Variants in ZNF367 observed in about 807,000 individuals in gnomAD.
ZNF367 encodes the protein C2H2 zinc finger protein ZFF29.
Under a neutral mutation model 31.8 loss-of-function variants are expected in ZNF367, and 11 were observed. That is an observed-to-expected ratio of 0.35 (90% confidence interval 0.22 to 0.57). The LOEUF (loss-of-function observed/expected upper bound fraction) is 0.57. ZNF367 is among the 20% of genes least tolerant of loss of function. The pLI is 0.85. For missense variants in ZNF367, 353 were observed against 484.1 expected, an observed-to-expected ratio of 0.73 and a Z score of 2.54; for synonymous variants, 199 against 202.4, an observed-to-expected ratio of 0.98 and a Z score of 0.14.
At position 96,388,074 on chromosome 9, in the gene ZNF367, C is replaced by T; in HGVS notation, c.*163G>A. 1.6e-6 allele frequency: 1 copy of T among 636,988 alleles called. No homozygotes were observed. The highest frequency in any genetic ancestry group is 2.6e-6 in the Non-Finnish European group (1 of 379,484). The allele number at this position is 636,988 out of a possible 1,614,324, so 39.5% of individuals were successfully genotyped here. On this transcript the variant is annotated 3_prime_UTR_variant, in exon 5 of 5. Coordinates refer to ENST00000375256, the MANE Select transcript of ZNF367 (RefSeq NM_153695.4). ...AATTCATTTCCATATTAAAAAAGTG[C>T]AGTTCTCTCTCACCCCATATTCTGG...
At chr9:96,390,884 G>GAAAAAAAAAA (rs34868065) in intron 4 of ZNF367, among the ~76,000 whole-genome samples, 1 of 56,602 alleles carries the variant, frequency 1.8e-5, no homozygotes, top group Non-Finnish European at 3.2e-5. Flanking sequence ...ACCCTGTCTC[G>GAAAAAAAAAA]AAAAAAAAAA....
intron 3 of ZNF367, among the ~76,000 whole-genome samples, chr9:96,393,045 A>G (rs980862814): frequency 1.3e-5 from 2 of 152,156 alleles, no homozygotes; most frequent in African/African-American, 2.4e-5. Flanking sequence ...AGATCACGCC[A>G]TTGCACTCCA....
intron 1 of ZNF367, among the ~76,000 whole-genome samples, chr9:96,405,079 T>C (rs1041903031): frequency 6.6e-6 from 1 of 152,132 alleles, no homozygotes; most frequent in Non-Finnish European, 1.5e-5. Context: ...CCCAGCACTT[T>C]GGGAGGCCAA....
chr9:96,407,477 T>C (rs1257627062), intron 1 of ZNF367: 2 of 1,311,558 alleles, frequency 1.5e-6, no homozygotes, highest in East Asian at 2.3e-5. Flanking sequence ...AAAAAAAGAC[T>C]ATCAAAGATG....
At chr9:96,404,636 CAAA>C (rs111803820) in intron 1 of ZNF367, among the ~76,000 whole-genome samples, 1 of 134,724 alleles carries the variant, frequency 7.4e-6, no homozygotes. Context: ...CCTCCGTCTC[CAAA>C]AAAAAAAAAG....
At chr9:96,400,662 A>G (rs1046380408) in intron 1 of ZNF367, among the ~76,000 whole-genome samples, 4 of 152,172 alleles carry the variant, frequency 2.6e-5, no homozygotes, top group Non-Finnish European at 5.9e-5. Context: ...AACAGAAAGA[A>G]AAAAGAAGGA....
rs187600447 is a variant in ZNF367, at chr9:96,386,922, G to A, written c.*1315C>T. The A allele has an allele frequency of 1.3e-5, 2 of 152,266 alleles. No individual in the cohort carries two copies. Among genetic ancestry groups the A allele is most frequent in the Non-Finnish European group, 2.9e-5 (2 of 68,008 alleles). The allele number at this position is 152,266 out of a possible 1,614,324, so 9.4% of individuals were successfully genotyped here. A position where few individuals can be genotyped will look rare whatever the true frequency, so the allele number is the denominator to read the frequency against. On this transcript the variant is annotated 3_prime_UTR_variant, in exon 5 of 5. Transcript: ENST00000375256. Reference sequence around the variant, plus strand: ...ACTCTGAGTTTTACTCCAATTAAGCGATCTGTAAGTTACCATGCTATGCAT... The same window carrying A: ...ACTCTGAGTTTTACTCCAATTAAGCAATCTGTAAGTTACCATGCTATGCAT...
chr9:96,407,908 C>A (rs1312871370), intron 1 of ZNF367: 1 of 376,168 alleles, frequency 2.7e-6, no homozygotes, highest in East Asian at 4.3e-5. Context: ...GCCCGGCCAA[C>A]GTGAGTAATT....
chr9:96,404,598 T>C (rs1014545875), intron 1 of ZNF367, among the ~76,000 whole-genome samples: 6 of 150,428 alleles, frequency 4.0e-5, no homozygotes, highest in Admixed American at 4.0e-4. Context: ...ATCACGCCAC[T>C]GCACTCCAGC....
At position 96,417,746 on chromosome 9, in the gene ZNF367, G is replaced by T; in HGVS notation, c.287C>A (p.Pro96His). The T allele has an allele frequency of 5.7e-6, 7 of 1,232,358 alleles. No homozygotes were observed. The highest frequency in any genetic ancestry group is 7.1e-6 in the Non-Finnish European group (7 of 986,888). 76.3% of individuals were successfully genotyped at this position (1,232,358 alleles called of 1,614,324 possible). Residue 96 changes from proline to histidine, a missense_variant, in exon 1 of 5, where the codon CCT (proline) becomes CAT (histidine). By Grantham distance (77) the Pro-to-His change is moderately conservative. Around this residue, in one of 5 missense-constraint regions of ZNF367, gnomAD observed 70 missense variants for 57.1 expected, o/e 1.23. Coordinates refer to ENST00000375256, the MANE Select transcript of ZNF367 (RefSeq NM_153695.4). The surrounding 1 kb of genome is among the most constrained non-coding windows in gnomAD (Gnocchi z 5.0). ...CGAGTGCTCGGCGGCTGCGGCTGCA[G>T]GCAGGGCGGCCGAGGCGGCGGCCCC... is the stretch of plus-strand genomic sequence containing the variant. ...AAGAAASAAL[P>H]AAAAAEHSGL... is the part of the protein sequence containing the mutation.
At chr9:96,390,347 G>T (rs992082035) in intron 4 of ZNF367, among the ~76,000 whole-genome samples, 1 of 152,180 alleles carries the variant, frequency 6.6e-6, no homozygotes, top group African/African-American at 2.4e-5. Flanking sequence ...TGTTCAGTAT[G>T]ACTTGAAGGA....
chr9:96,407,771 C>T, intron 1 of ZNF367: 4 of 1,344,458 alleles, frequency 3.0e-6, no homozygotes, highest in Non-Finnish European at 4.1e-6. Context: ...AGAAAACCAC[C>T]TAAATATGAA....
chr9:96,394,878 G>A lies in ZNF367; in HGVS notation c.636C>T (p.Leu212=). 4 of 1,614,018 alleles carry A rather than the reference G, an allele frequency of 2.5e-6. No individual in the cohort carries two copies. Among genetic ancestry groups the A allele is most frequent in the Non-Finnish European group, 2.5e-6 (3 of 1,179,984 alleles). The change falls in exon 3 of 5, where the codon CTC becomes CTT. Residue 212 remains leucine, a synonymous_variant. Transcript: ENST00000375256. ...CGKAFVQSGQ[L]KTHQRLHTGE... Reference sequence around the variant, plus strand: ...CGGTGTGAAGACGCTGATGTGTTTTGAGCTGTCCACTTTGAACAAAGGCTT... The same window carrying A: ...CGGTGTGAAGACGCTGATGTGTTTTAAGCTGTCCACTTTGAACAAAGGCTT...
intron 3 of ZNF367, among the ~76,000 whole-genome samples, chr9:96,393,863 A>C (rs1831500243): frequency 6.6e-6 from 1 of 152,200 alleles, no homozygotes; most frequent in Non-Finnish European, 1.5e-5. Context: ...TCATTATTCA[A>C]CATAGAGGAA....
intron 1 of ZNF367, among the ~76,000 whole-genome samples, chr9:96,403,482 T>C (rs1296296824): frequency 1.3e-5 from 2 of 151,498 alleles, no homozygotes; most frequent in Non-Finnish European, 1.5e-5. Flanking sequence ...GTTTTTTTTC[T>C]TTTTTTTTCT....
chr9:96,411,109 G>A (rs953367245), intron 1 of ZNF367, among the ~76,000 whole-genome samples: 24 of 151,274 alleles, frequency 1.6e-4, no homozygotes, highest in African/African-American at 4.4e-4. Context: ...ACTTGAACCC[G>A]ATAGGCCAAG....
intron 4 of ZNF367, among the ~76,000 whole-genome samples, chr9:96,389,935 C>T (rs1587740835): frequency 8.6e-6 from 1 of 115,932 alleles, no homozygotes; most frequent in Non-Finnish European, 1.7e-5. Flanking sequence ...GACAGAGTTT[C>T]ACTCTTCTTG....
chr9:96,388,529 A>G (rs1490940237), intron 4 of ZNF367, 70 bp from the exon 5 acceptor site: 6 of 1,359,156 alleles, frequency 4.4e-6, no homozygotes, highest in Non-Finnish European at 6.1e-6. Context: ...TTTCTTTTAA[A>G]AAGTTCCATA....
rs545381385 is a variant in ZNF367, at chr9:96,386,253, G to A, written c.*1984C>T. 13 of 152,138 alleles carry A rather than the reference G, an allele frequency of 8.5e-5. No homozygotes were observed. Among genetic ancestry groups the A allele is most frequent in the Non-Finnish European group, 1.8e-4 (12 of 68,002 alleles). The allele number at this position is 152,138 out of a possible 1,614,324, so 9.4% of individuals were successfully genotyped here. On this transcript the variant is annotated 3_prime_UTR_variant, in exon 5 of 5. Transcript: ENST00000375256. Reference sequence around the variant, plus strand: ...TGTTTATGAAAAAACTATTAGAGTTGACAAAAGCTGACTGGAGAAACAAGG... The same window carrying A: ...TGTTTATGAAAAAACTATTAGAGTTAACAAAAGCTGACTGGAGAAACAAGG...
Sources: allele counts gnomAD v4.1 joint callset (sites outside exome capture counted in the v4.1 genomes callset), GRCh38; gene constraint gnomAD v4.1.1; regional missense constraint gnomAD v4.1.1; non-coding constraint Gnocchi (gnomAD v3.1); transcripts MANE v1.5; gene names NCBI Gene and HGNC (gene_info 2026-07-23, HGNC 2026-07-21).